PLD5: variants seen among roughly 807,000 people sequenced by gnomAD.
The protein encoded by PLD5 is phospholipase D family member 5.
A neutral mutation model predicts 61.1 loss-of-function variants in PLD5; 36 were observed. The ratio of observed to expected loss-of-function variants is 0.59; its 90% CI spans 0.45 to 0.78. PLD5 has a LOEUF of 0.78. PLD5 is among the 30% of genes least tolerant of loss of function. PLD5 has a pLI of 0.00. For missense variants in PLD5, 515 were observed against 644.4 expected, an observed-to-expected ratio of 0.80 and a Z score of 2.17; for synonymous variants, 243 against 242.8, an observed-to-expected ratio of 1.00 and a Z score of -0.01.
intron 1 of PLD5, among the ~76,000 whole-genome samples, chr1:242,465,414 C>T (rs972879584): frequency 7.9e-5 from 12 of 152,306 alleles, no homozygotes; most frequent in Admixed American, 2.6e-4. Context: ...TCAAACACAA[C>T]GTGCAATCAG....
intron 2 of PLD5, among the ~76,000 whole-genome samples, chr1:242,339,212 A>G (rs1659698097): frequency 6.6e-6 from 1 of 152,116 alleles, no homozygotes; most frequent in South Asian, 2.1e-4. Flanking sequence ...CACCCACTTA[A>G]AAAAAGGTAT....
chr1:242,367,596 A>C (rs1661414089), intron 1 of PLD5, among the ~76,000 whole-genome samples: 1 of 152,162 alleles, frequency 6.6e-6, no homozygotes, highest in African/African-American at 2.4e-5. Context: ...TCTCCTATGA[A>C]ACCTGGAGAC....
At chr1:242,161,582 A>C (rs942551371) in intron 5 of PLD5, among the ~76,000 whole-genome samples, 1 of 152,158 alleles carries the variant, frequency 6.6e-6, no homozygotes, top group Non-Finnish European at 1.5e-5. Context: ...GTGAATATTT[A>C]AGTTTTGTCC....
At chr1:242,464,752 T>C (rs1667223056) in intron 1 of PLD5, among the ~76,000 whole-genome samples, 1 of 152,202 alleles carries the variant, frequency 6.6e-6, no homozygotes, top group Non-Finnish European at 1.5e-5. Context: ...ACAGCCCAAA[T>C]GTCCATCGAT....
chr1:242,192,484 A>G (rs966888583), intron 5 of PLD5, among the ~76,000 whole-genome samples: 7 of 152,144 alleles, frequency 4.6e-5, no homozygotes, highest in Non-Finnish European at 1.5e-5. Context: ...TGCACTTCCA[A>G]TAAAAGCTCC....
At chr1:242,463,375 G>A (rs553676796) in intron 1 of PLD5, among the ~76,000 whole-genome samples, 11 of 152,296 alleles carry the variant, frequency 7.2e-5, no homozygotes, top group African/African-American at 2.2e-4. Context: ...GTGCAGCCCA[G>A]CAAGACTAGG....
At chr1:242,138,400 T>C (rs1189896095) in intron 5 of PLD5, among the ~76,000 whole-genome samples, 1 of 151,974 alleles carries the variant, frequency 6.6e-6, no homozygotes, top group East Asian at 1.9e-4. Flanking sequence ...CAACATTCTG[T>C]AGGATTCAAG....
At chr1:242,226,947 T>G (rs1227249463) in intron 4 of PLD5, among the ~76,000 whole-genome samples, 1 of 152,204 alleles carries the variant, frequency 6.6e-6, no homozygotes, top group African/African-American at 2.4e-5. Flanking sequence ...TATTAAAATT[T>G]TTTTAAAGAA....
intron 1 of PLD5, among the ~76,000 whole-genome samples, chr1:242,392,471 G>A (rs1662988736): frequency 1.3e-5 from 2 of 152,196 alleles, no homozygotes; most frequent in Admixed American, 1.3e-4. Context: ...ACAGCTTCCT[G>A]ATGGTGCCGA....
At chr1:242,379,072 A>G (rs1662136961) in intron 1 of PLD5, among the ~76,000 whole-genome samples, 1 of 152,044 alleles carries the variant, frequency 6.6e-6, no homozygotes, top group Admixed American at 6.6e-5. Context: ...ACCATTTTAG[A>G]TGGTACTTCT....
chr1:242,147,835 T>A (rs958563006), intron 5 of PLD5, among the ~76,000 whole-genome samples: 8 of 152,222 alleles, frequency 5.3e-5, no homozygotes, highest in Non-Finnish European at 8.8e-5. Flanking sequence ...TTCACATATT[T>A]GGCACAGTTT....
intron 9 of PLD5, among the ~76,000 whole-genome samples, chr1:242,093,401 A>G (rs938383108): frequency 5.3e-5 from 8 of 152,086 alleles, no homozygotes; most frequent in African/African-American, 1.9e-4. Flanking sequence ...CTAAACTCTC[A>G]TCCCCACAGC....
chr1:242,244,957 G>A (rs948119535), intron 4 of PLD5, among the ~76,000 whole-genome samples: 1 of 152,136 alleles, frequency 6.6e-6, no homozygotes, highest in African/African-American at 2.4e-5. Flanking sequence ...TATGACTTCC[G>A]AAATGTTATT....
intron 1 of PLD5, among the ~76,000 whole-genome samples, chr1:242,352,299 A>T (rs1429501250): frequency 6.6e-6 from 1 of 152,220 alleles, no homozygotes; most frequent in African/African-American, 2.4e-5. Context: ...AAGTGAGAAC[A>T]TGTGGTAATC....
intron 1 of PLD5, among the ~76,000 whole-genome samples, chr1:242,514,276 C>T (rs2654897): frequency 0.34 from 51,238 of 152,016 alleles, 8,858 homozygotes; most frequent in Admixed American, 0.39. Context: ...TTTGGCTGTC[C>T]AGATTCTGCT....
chr1:242,106,448 C>A (rs1367521043), intron 8 of PLD5, among the ~76,000 whole-genome samples: 2 of 152,166 alleles, frequency 1.3e-5, no homozygotes, highest in Non-Finnish European at 2.9e-5. Context: ...GAACTTCAGA[C>A]CATGATGATT....
Position 242,097,394 on chromosome 1 carries a change from C to T in PLD5, c.1354+3274G>A, listed in dbSNP as rs575996620. 3.5e-3 allele frequency among the ~76,000 whole-genome samples: 538 copies of T among 152,322 alleles called. 6 individuals are homozygous for T. Among genetic ancestry groups the T allele is most frequent in the African/African-American group, 0.012 (517 of 41,564 alleles). ...GTGTAAAAGTGTTCCTATTTCTCCACATCCTCTCCAGCACCTGTTGTTTCC... is the reference window on the plus strand; with the variant it reads ...GTGTAAAAGTGTTCCTATTTCTCCATATCCTCTCCAGCACCTGTTGTTTCC... On this transcript the variant is annotated intron_variant, in intron 9 of 9. Coordinates refer to ENST00000536534, the MANE Select transcript of PLD5 (RefSeq NM_001372062.1).
At chr1:242,409,818 G>C (rs1664446873) in intron 1 of PLD5, among the ~76,000 whole-genome samples, 1 of 152,124 alleles carries the variant, frequency 6.6e-6, no homozygotes, top group African/African-American at 2.4e-5. Context: ...TACACACCTG[G>C]GGATATGTGG....
chr1:242,494,012 T>C (rs2102980917), intron 1 of PLD5, among the ~76,000 whole-genome samples: 1 of 152,240 alleles, frequency 6.6e-6, no homozygotes, highest in Non-Finnish European at 1.5e-5. Flanking sequence ...TTTCACCATC[T>C]CTAATAATTG....
Sources: allele counts gnomAD v4.1 joint callset (sites outside exome capture counted in the v4.1 genomes callset), GRCh38; gene constraint gnomAD v4.1.1; transcripts MANE v1.5; gene names NCBI Gene and HGNC (gene_info 2026-07-23, HGNC 2026-07-21).